LSAMP: variants seen among roughly 807,000 people sequenced by gnomAD.
LSAMP encodes the protein limbic system-associated membrane protein.
Under a neutral mutation model 38.6 loss-of-function variants are expected in LSAMP, and 7 were observed. The observed-to-expected ratio is 0.18, with a 90% confidence interval of 0.10 to 0.34. The LOEUF is 0.34. Among genes scored for constraint, LSAMP ranks in the 10% least tolerant of loss-of-function variants. The pLI is 1.00. For synonymous variants in LSAMP, 154 were observed against 166.8 expected, an observed-to-expected ratio of 0.92 and a Z score of 0.59; for missense variants, 313 against 420.0, an observed-to-expected ratio of 0.75 and a Z score of 2.23.
intron 3 of LSAMP, among the ~76,000 whole-genome samples, chr3:115,964,346 T>C (rs1039832946): frequency 1.3e-5 from 2 of 152,106 alleles, no homozygotes; most frequent in African/African-American, 4.8e-5. Context: ...AGAAAATGAG[T>C]TATGGTACAG....
At chr3:116,015,641 G>T (rs1319107206) in intron 3 of LSAMP, among the ~76,000 whole-genome samples, 5 of 152,040 alleles carry the variant, frequency 3.3e-5, no homozygotes, top group Non-Finnish European at 5.9e-5. Context: ...TCTAATTCAG[G>T]TGTTTTTTAT....
intron 1 of LSAMP, among the ~76,000 whole-genome samples, chr3:116,433,834 C>T (rs2049312081): frequency 6.6e-6 from 1 of 152,110 alleles, no homozygotes; most frequent in Non-Finnish European, 1.5e-5. Flanking sequence ...ATACTGACCT[C>T]TTCACAGATA....
intron 1 of LSAMP, among the ~76,000 whole-genome samples, chr3:116,121,794 C>A (rs140324840): frequency 6.6e-6 from 1 of 152,132 alleles, no homozygotes; most frequent in African/African-American, 2.4e-5. Flanking sequence ...CCAACCCGCA[C>A]CCTGTAGGCC....
At chr3:116,357,495 C>T (rs941291496) in intron 1 of LSAMP, among the ~76,000 whole-genome samples, 3 of 149,870 alleles carry the variant, frequency 2.0e-5, no homozygotes, top group Admixed American at 1.3e-4. Flanking sequence ...TAGGTTTAAA[C>T]GCTAATTAAA....
intron 1 of LSAMP, among the ~76,000 whole-genome samples, chr3:116,114,881 A>C (rs1708708025): frequency 6.6e-6 from 1 of 152,194 alleles, no homozygotes; most frequent in Non-Finnish European, 1.5e-5. Flanking sequence ...AGTCCCCTAC[A>C]TTTTACAATG....
At chr3:116,033,104 T>C (rs536273792) in intron 2 of LSAMP, among the ~76,000 whole-genome samples, 1 of 152,338 alleles carries the variant, frequency 6.6e-6, no homozygotes, top group African/African-American at 2.4e-5. Flanking sequence ...AATATTCATA[T>C]GTGCAACTTG....
chr3:116,207,315 G>C (rs1352547280), intron 1 of LSAMP, among the ~76,000 whole-genome samples: 2 of 152,120 alleles, frequency 1.3e-5, no homozygotes, highest in African/African-American at 4.8e-5. Context: ...CATGAGTTGG[G>C]TTTCCTGAAT....
chr3:116,437,199 G>T (rs995009285), intron 1 of LSAMP, among the ~76,000 whole-genome samples: 7 of 151,870 alleles, frequency 4.6e-5, no homozygotes, highest in Admixed American at 1.3e-4. Context: ...CTGATATGTG[G>T]GAGCTAAGCT....
At chr3:116,160,435 AAAGG>A (rs1219992138) in intron 1 of LSAMP, among the ~76,000 whole-genome samples, 2 of 149,974 alleles carry the variant, frequency 1.3e-5, no homozygotes, top group South Asian at 2.1e-4. Context: ...AGGGAGGGAG[AAAGG>A]AAGGAAGGAA....
intron 1 of LSAMP, among the ~76,000 whole-genome samples, chr3:116,231,171 A>T (rs1392828674): frequency 6.6e-6 from 1 of 152,158 alleles, no homozygotes; most frequent in African/African-American, 2.4e-5. Context: ...TGGGCTGCGA[A>T]ATTGGCTTTT....
chr3:116,379,833 G>T (rs954280596), intron 1 of LSAMP, among the ~76,000 whole-genome samples: 1 of 151,930 alleles, frequency 6.6e-6, no homozygotes, highest in Non-Finnish European at 1.5e-5. Context: ...GATAAAAGAC[G>T]CTTACTTACA....
At chr3:116,057,957 C>CCCA (rs1553699980) in intron 2 of LSAMP, among the ~76,000 whole-genome samples, 1,350 of 117,518 alleles carry the variant, frequency 0.011, 7 homozygotes, top group Non-Finnish European at 0.02. Flanking sequence ...ACACACACAC[C>CCCA]CACACACACA....
chr3:116,295,380 T>G lies in LSAMP; in HGVS notation c.155+149497A>C, dbSNP rs114514420. 3.7e-3 allele frequency among the ~76,000 whole-genome samples: 564 copies of G among 152,326 alleles called. 5 individuals carry two copies. Among genetic ancestry groups the G allele is most frequent in the African/African-American group, 0.013 (547 of 41,578 alleles). On this transcript the variant is annotated intron_variant, in intron 1 of 6. Coordinates refer to ENST00000490035, the MANE Select transcript of LSAMP (RefSeq NM_002338.5). ...TCGGGTGACATTCGTGGATCCACAT[T>G]TCCTGACTGGCTGGAACTAATCTAT... is the stretch of plus-strand genomic sequence containing the variant.
chr3:116,392,093 C>T (rs2048708838), intron 1 of LSAMP, among the ~76,000 whole-genome samples: 1 of 152,180 alleles, frequency 6.6e-6, no homozygotes, highest in Admixed American at 6.5e-5. Context: ...TGAAAGCCTG[C>T]CCAGGCCCAG....
intron 1 of LSAMP, among the ~76,000 whole-genome samples, chr3:116,366,889 T>C (rs937595468): frequency 3.3e-5 from 5 of 152,180 alleles, no homozygotes; most frequent in African/African-American, 1.2e-4. Flanking sequence ...TCCCACATTA[T>C]CTTCCTGAGC....
chr3:115,915,075 A>G (rs1269190013), intron 3 of LSAMP, among the ~76,000 whole-genome samples: 1 of 152,200 alleles, frequency 6.6e-6, no homozygotes, highest in Non-Finnish European at 1.5e-5. Context: ...AAACGGTTTG[A>G]AAAGGGATGT....
chr3:115,823,623 ACAAAT>A (rs1320439749), intron 6 of LSAMP, among the ~76,000 whole-genome samples: 1 of 152,222 alleles, frequency 6.6e-6, no homozygotes, highest in East Asian at 1.9e-4. Flanking sequence ...ATTTGTAAAA[ACAAAT>A]CAATGCATTT....
At chr3:116,274,601 C>T (rs927287108) in intron 1 of LSAMP, among the ~76,000 whole-genome samples, 2 of 152,086 alleles carry the variant, frequency 1.3e-5, no homozygotes, top group African/African-American at 4.8e-5. Flanking sequence ...TTTCTCATCC[C>T]TCCACCTACT....
intron 2 of LSAMP, among the ~76,000 whole-genome samples, chr3:116,073,413 C>A (rs999955364): frequency 6.6e-6 from 1 of 151,920 alleles, no homozygotes; most frequent in South Asian, 2.1e-4. Flanking sequence ...TTTTTTGGTT[C>A]CATATGAATT....
Sources: gnomAD v4.1 joint callset for allele counts (sites outside exome capture counted in the v4.1 genomes callset) on GRCh38, gnomAD v4.1.1 for gene constraint, MANE v1.5 for transcripts, NCBI Gene and HGNC (gene_info 2026-07-23, HGNC 2026-07-21) for gene names.